The following RAB43 variants were observed in gnomAD, a reference collection of about 807,000 sequenced individuals.
RAB43 encodes the protein RAB43, member RAS oncogene family.
RAB43 carries 6 observed loss-of-function variants against 18.8 expected under a neutral mutation model. That is an observed-to-expected ratio of 0.32 (90% confidence interval 0.17 to 0.63). The LOEUF is 0.63. Ranked by LOEUF, RAB43 falls within the 30% of genes least tolerant of loss-of-function variation. The pLI is 0.79. For synonymous variants in RAB43, 103 were observed against 124.1 expected (o/e 0.83, Z 1.13); for missense variants, 195 against 289.1 (o/e 0.67, Z 2.36).
At chr3:129,119,085 T>C (rs1228091806) in intron 1 of RAB43, among the ~76,000 whole-genome samples, 2 of 152,202 alleles carry the variant, frequency 1.3e-5, no homozygotes, top group Non-Finnish European at 2.9e-5. Flanking sequence ...GAGAAGTTCA[T>C]AGACCTGTAA....
At chr3:129,099,804 G>A (rs1934306991) in intron 1 of RAB43, among the ~76,000 whole-genome samples, 1 of 152,024 alleles carries the variant, frequency 6.6e-6, no homozygotes, top group Non-Finnish European at 1.5e-5. Context: ...CAGTGAACCT[G>A]AAGAAAAATC....
At chr3:129,092,720 G>A (rs1933747579) in intron 2 of RAB43, 2 of 389,694 alleles carry the variant, frequency 5.1e-6, no homozygotes, top group Non-Finnish European at 9.1e-6. Context: ...ACTTTGGGAG[G>A]CTGAGGCGGG....
intron 1 of RAB43, among the ~76,000 whole-genome samples, chr3:129,100,242 G>GA (rs1934333986): frequency 6.6e-6 from 1 of 152,156 alleles, no homozygotes; most frequent in African/African-American, 2.4e-5. Context: ...AGTGCGGAAA[G>GA]AAAAAACTCT....
At chr3:129,110,117 T>G (rs921907425) in intron 1 of RAB43, among the ~76,000 whole-genome samples, 1 of 152,176 alleles carries the variant, frequency 6.6e-6, no homozygotes, top group East Asian at 1.9e-4. Context: ...CGCCCGCTTC[T>G]GCCTCCCAAA....
At chr3:129,091,582 T>C (rs919073228) in intron 2 of RAB43, among the ~76,000 whole-genome samples, 2 of 152,200 alleles carry the variant, frequency 1.3e-5, no homozygotes, top group Non-Finnish European at 2.9e-5. Flanking sequence ...AGCCCAGGAA[T>C]TCAAGACCAG....
chr3:129,093,983 A>G (rs574620059), intron 2 of RAB43, among the ~76,000 whole-genome samples: 2 of 152,238 alleles, frequency 1.3e-5, no homozygotes, highest in Non-Finnish European at 2.9e-5. Context: ...CAGGGATAAC[A>G]TAAGAGCTAA....
chr3:129,091,081 C>T lies in RAB43; in HGVS notation c.*15G>A, dbSNP rs375434877. 1,312 of 1,608,044 alleles carry T rather than the reference C, an allele frequency of 8.2e-4. 1 individual carries two copies. The highest frequency in any genetic ancestry group is 1.0e-3 in the Non-Finnish European group (1,184 of 1,178,628). Reference sequence around the variant, plus strand: ...AGGAGGTGGGGAACCCCCAGTCTGCCGGCCCGGCCCCTGGTCAGCACCCGC... The same window carrying T: ...AGGAGGTGGGGAACCCCCAGTCTGCTGGCCCGGCCCCTGGTCAGCACCCGC... On this transcript the variant is annotated 3_prime_UTR_variant, in exon 3 of 3. Transcript: ENST00000315150.
chr3:129,109,715 C>G (rs1935026512), intron 1 of RAB43, among the ~76,000 whole-genome samples: 2 of 150,850 alleles, frequency 1.3e-5, no homozygotes, highest in Admixed American at 1.3e-4. Flanking sequence ...GCACTCCAGC[C>G]CAGGCGACAG....
chr3:129,109,361 G>A (rs1338509020), intron 1 of RAB43, among the ~76,000 whole-genome samples: 1 of 151,298 alleles, frequency 6.6e-6, no homozygotes, highest in East Asian at 1.9e-4. Context: ...AGTGAGCCGA[G>A]GTTGCGCCAC....
rs545457627 is a variant in RAB43 at position 129,095,433 on chromosome 3, C to T, written c.205-264G>A. Among the ~76,000 whole-genome samples, 2 of 152,308 alleles carry T rather than the reference C, an allele frequency of 1.3e-5. No individual in the cohort carries two copies. The highest frequency in any genetic ancestry group is 3.9e-4 in the East Asian group (2 of 5,182). The stretch of plus-strand genomic sequence containing the variant: ...ACTCTGAGCTGACCCAGGTCCTCCG[C>T]GTGCCCCTCCGTGTGCCCCTCTCCC... On this transcript the variant is annotated intron_variant, in intron 1 of 2. Transcript: ENST00000315150. This position sits in a 1 kb window ranked among gnomAD's most constrained non-coding sequence, Gnocchi z 4.2.
rs751117262 is a variant in RAB43 at position 129,121,287 on chromosome 3, T to C, written c.203A>G (p.Lys68Arg). 5.0e-6 allele frequency: 8 copies of C among 1,602,598 alleles called. No individual in the cohort carries two copies. The South Asian group carries it at 7.9e-5, about 16-fold the overall frequency. ...CAGGGGCCCTGGCCGGCCTCCCACC[T>C]TGACCCGCTTGCCCTGGATCTCCAG... Reference protein sequence around the residue: ...KTLEIQGKRVKLQIWDTAGQE... With the variant: ...KTLEIQGKRVRLQIWDTAGQE... The change falls in exon 1 of 3, where the codon AAG becomes AGG. Residue 68 changes from lysine (K) to arginine (R), a missense_variant and splice_region_variant. Lys to Arg is a conservative substitution (Grantham distance 26). Coordinates refer to ENST00000315150, the MANE Select transcript of RAB43 (RefSeq NM_198490.3).
upstream of RAB43, chr3:129,121,914 G>A: frequency 7.3e-6 from 1 of 137,460 alleles, no homozygotes; most frequent in South Asian, 2.0e-4. Context: ...CCCGACCCGG[G>A]TTCCGCCTAC....
intron 1 of RAB43, among the ~76,000 whole-genome samples, chr3:129,108,206 G>C (rs1934909896): frequency 6.6e-6 from 1 of 152,192 alleles, no homozygotes; most frequent in African/African-American, 2.4e-5. Flanking sequence ...TGGCCCTGAG[G>C]AGTGTGGATT....
chr3:129,116,947 G>T (rs1200403298), intron 1 of RAB43, among the ~76,000 whole-genome samples: 1 of 144,128 alleles, frequency 6.9e-6, no homozygotes, highest in South Asian at 2.5e-4. Context: ...CACTGAGGTG[G>T]GGAGGAGGGA....
At chr3:129,100,985 T>C (rs1196716412) in intron 1 of RAB43, among the ~76,000 whole-genome samples, 1 of 152,172 alleles carries the variant, frequency 6.6e-6, no homozygotes, top group Non-Finnish European at 1.5e-5. Context: ...TTTGTATTTT[T>C]AGTAGAAACA....
At chr3:129,096,488 C>T (rs191438744) in intron 1 of RAB43, among the ~76,000 whole-genome samples, 42 of 152,330 alleles carry the variant, frequency 2.8e-4, no homozygotes, top group African/African-American at 1.0e-3. Context: ...ACCACACAAG[C>T]CTGGGATCCA....
At chr3:129,119,873 C>A (rs1388816759) in intron 1 of RAB43, among the ~76,000 whole-genome samples, 2 of 152,150 alleles carry the variant, frequency 1.3e-5, no homozygotes, top group Non-Finnish European at 1.5e-5. Context: ...GAGGAGGACA[C>A]CACTGCTCTT....
rs1933636793 is a variant in RAB43, at chr3:129,091,359, G to GC, written c.389-14dup. 1 of 1,605,350 alleles carries GC rather than the reference G, an allele frequency of 6.2e-7. No homozygotes were observed. The highest frequency in any genetic ancestry group is 1.3e-5 in the African/African-American group (1 of 74,814). The stretch of plus-strand genomic sequence containing the variant: ...TCTGACTTGTTCCCTGCGGAGGAAA[G>GC]CCGGGGCAGCATGAGGCCATGGGGG... On this transcript the variant is annotated splice_polypyrimidine_tract_variant and intron_variant, in intron 2 of 2. Coordinates refer to ENST00000315150, the MANE Select transcript of RAB43 (RefSeq NM_198490.3).
At chr3:129,121,202 T>C in intron 1 of RAB43, 84 bp downstream of exon 1, 5 of 1,233,206 alleles carry the variant, frequency 4.1e-6, no homozygotes, top group Non-Finnish European at 5.6e-6. Flanking sequence ...GGACGCGGGG[T>C]GCGCTCGCCG....
Sources: allele counts gnomAD v4.1 joint callset (sites outside exome capture counted in the v4.1 genomes callset), GRCh38; gene constraint gnomAD v4.1.1; non-coding constraint Gnocchi (gnomAD v3.1); transcripts MANE v1.5; gene names NCBI Gene and HGNC (gene_info 2026-07-23, HGNC 2026-07-21).